Variants in C2orf42 observed in about 807,000 individuals in gnomAD.
C2orf42 encodes chromosome 2 open reading frame 42, also known as uncharacterized protein C2orf42.
In C2orf42, 44 loss-of-function variants were observed where a neutral mutation model predicts 58.9. The observed-to-expected ratio is 0.75, with a 90% CI of 0.59 to 0.96. The LOEUF is 0.96. C2orf42 is among the 40% of genes least tolerant of loss of function. The pLI, the probability that C2orf42 is intolerant of heterozygous loss-of-function variation, is 0.00. For synonymous variants in C2orf42, 239 were observed against 265.4 expected, an observed-to-expected ratio of 0.90 and a Z score of 0.97; for missense variants, 630 against 699.2, an observed-to-expected ratio of 0.90 and a Z score of 1.12.
At chr2:70,189,742 A>T (rs1184450319) in intron 1 of C2orf42, among the ~76,000 whole-genome samples, 1 of 143,014 alleles carries the variant, frequency 7.0e-6, no homozygotes, top group Non-Finnish European at 1.5e-5. Context: ...AAATGGCCTG[A>T]GTAGCTGGAC....
intron 9 of C2orf42, among the ~76,000 whole-genome samples, chr2:70,155,146 A>C (rs1267010303): frequency 2.6e-5 from 4 of 152,110 alleles, no homozygotes. Flanking sequence ...AAGGAGGCTG[A>C]GGCAGAAGAA....
intron 8 of C2orf42, 78 bp from the exon 9 acceptor site, chr2:70,160,865 C>T (rs1443100551): frequency 1.2e-6 from 1 of 843,848 alleles, no homozygotes; most frequent in African/African-American, 1.8e-5. Context: ...GACGACAAAT[C>T]TTTTATTATT....
Position 70,188,762 on chromosome 2 carries a change from C to T in C2orf42, c.-282+2211G>A, listed in dbSNP as rs181938831. Among the ~76,000 whole-genome samples, 402 of 152,252 alleles carry T rather than the reference C, an allele frequency of 2.6e-3. 2 individuals are homozygous for T. In the South Asian group the frequency reaches 0.03, roughly 11 times the overall value. ...CACGTCTCCTTAGTCCCCTCAAGTCCGTGAGTTTGTCTTTCTTTTTCCTAA... is the reference window on the plus strand; with the variant it reads ...CACGTCTCCTTAGTCCCCTCAAGTCTGTGAGTTTGTCTTTCTTTTTCCTAA... On this transcript the variant is annotated intron_variant, in intron 1 of 9. Transcript: ENST00000264434.
chr2:70,182,071 A>G (rs1323678850), intron 2 of C2orf42, 74 bp from the exon 3 acceptor site: 2 of 696,972 alleles, frequency 2.9e-6, no homozygotes, highest in East Asian at 5.4e-5. Context: ...TATGATATTT[A>G]GTACAGAAGG....
intron 8 of C2orf42, 93 bp downstream of exon 8, chr2:70,164,999 G>T: frequency 1.7e-6 from 1 of 571,754 alleles, no homozygotes; most frequent in Non-Finnish European, 3.1e-6. Flanking sequence ...TCTGGTGTCT[G>T]TAACTCAAGG....
chr2:70,153,654 G>A (rs1672453771), intron 9 of C2orf42, among the ~76,000 whole-genome samples: 1 of 132,388 alleles, frequency 7.6e-6, no homozygotes, highest in African/African-American at 3.0e-5. Context: ...TCAGTAATAA[G>A]TAAAGAAAAG....
intron 9 of C2orf42, among the ~76,000 whole-genome samples, chr2:70,155,521 G>A (rs779765902): frequency 4.6e-5 from 7 of 152,124 alleles, no homozygotes; most frequent in Non-Finnish European, 8.8e-5. Context: ...AAATTAGGCC[G>A]GGTGTGGTGG....
At chr2:70,151,122 C>G (rs574571116) in intron 9 of C2orf42, among the ~76,000 whole-genome samples, 2 of 152,230 alleles carry the variant, frequency 1.3e-5, no homozygotes, top group Admixed American at 1.3e-4. Flanking sequence ...GTGGGCAAGG[C>G]GAGAGGATAG....
chr2:70,184,312 C>G (rs1402770625), intron 1 of C2orf42, among the ~76,000 whole-genome samples: 1 of 151,566 alleles, frequency 6.6e-6, no homozygotes, highest in Admixed American at 6.6e-5. Flanking sequence ...CTGCAACCTC[C>G]GCCTCCCGGG....
intron 9 of C2orf42, among the ~76,000 whole-genome samples, chr2:70,159,721 A>C (rs2104856966): frequency 6.6e-6 from 1 of 152,282 alleles, no homozygotes; most frequent in Non-Finnish European, 1.5e-5. Flanking sequence ...TCTTTTAGTA[A>C]AGTGGGGGTC....
chr2:70,160,330 C>T (rs571111337), intron 9 of C2orf42, among the ~76,000 whole-genome samples: 1 of 152,046 alleles, frequency 6.6e-6, no homozygotes, highest in South Asian at 2.1e-4. Flanking sequence ...ATAGTAGAGA[C>T]TGGGTTTCAC....
intron 1 of C2orf42, among the ~76,000 whole-genome samples, chr2:70,183,825 A>T (rs1674745594): frequency 6.7e-6 from 1 of 149,432 alleles, no homozygotes; most frequent in Non-Finnish European, 1.5e-5. Flanking sequence ...TGAGTGCTTT[A>T]TGCATTTTTC....
rs191255665 is a variant in C2orf42, at chr2:70,184,828, T to C, written c.-281-1893A>G. Among the ~76,000 whole-genome samples, 978 of 150,548 alleles carry C rather than the reference T, an allele frequency of 6.5e-3. 7 individuals carry two copies. The highest frequency in any genetic ancestry group is 0.023 in the African/African-American group (930 of 41,188). The stretch of plus-strand genomic sequence containing the variant: ...GTTTTAGGCCGGGCGCAGTGGCTCA[T>C]GCCTGTAATCCCAGCACTTTGGGAG... On this transcript the variant is annotated intron_variant, in intron 1 of 9. Coordinates refer to ENST00000264434, the MANE Select transcript of C2orf42 (RefSeq NM_017880.3).
In C2orf42 at chr2:70,160,687, T is replaced by G. The variant is rs368402264; in HGVS notation, c.1454A>C (p.Tyr485Ser). Residue 485 changes from tyrosine (Y) to serine (S), a missense_variant, in exon 9 of 10, where the codon TAC becomes TCC. Physicochemically the swap from Tyr to Ser is moderately radical, Grantham distance 144. Transcript: ENST00000264434. ...KVEVESIAETYGRIEKQPVLR... is the reference protein window; with the variant it reads ...KVEVESIAETSGRIEKQPVLR... The stretch of plus-strand genomic sequence containing the variant: ...CACTGGTTGTTTTTCTATACGACCG[T>G]AGGTTTCTGCTATGCTTTCTACTTC... 8.1e-6 allele frequency: 13 copies of G among 1,613,438 alleles called. No homozygotes were observed. The highest frequency in any genetic ancestry group is 1.1e-5 in the Non-Finnish European group (13 of 1,179,646).
intron 8 of C2orf42, 59 bp from the exon 9 acceptor site, chr2:70,160,846 T>C (rs1304800650): frequency 2.8e-6 from 3 of 1,080,080 alleles, no homozygotes; most frequent in Non-Finnish European, 2.6e-6. Context: ...AACAGACCAA[T>C]ACCTGGATGA....
At chr2:70,175,548 C>T (rs1484219726) in intron 5 of C2orf42, 125 bp downstream of exon 5, 5 of 719,816 alleles carry the variant, frequency 6.9e-6, no homozygotes, top group Non-Finnish European at 1.3e-5. Flanking sequence ...GGACCTCAGC[C>T]TCAGTGCTTC....
At chr2:70,188,104 T>C (rs1318801650) in intron 1 of C2orf42, among the ~76,000 whole-genome samples, 1 of 152,194 alleles carries the variant, frequency 6.6e-6, no homozygotes, top group Non-Finnish European at 1.5e-5. Context: ...TTGTCAAAAA[T>C]AAGGTCTTAA....
chr2:70,154,745 T>TTTTTGTTTTGTTTTG (rs553263180), intron 9 of C2orf42, among the ~76,000 whole-genome samples: 2 of 151,868 alleles, frequency 1.3e-5, no homozygotes, highest in South Asian at 4.2e-4. Flanking sequence ...GAATCAAAGT[T>TTTTTGTTTTGTTTTG]TTTTGTTTTG....
rs777525110 is a variant in C2orf42, at chr2:70,150,076, G to A, written c.*280C>T. On this transcript the variant is annotated 3_prime_UTR_variant, in exon 10 of 10. Coordinates refer to ENST00000264434, the MANE Select transcript of C2orf42 (RefSeq NM_017880.3). The stretch of plus-strand genomic sequence containing the variant: ...TGAAATAAACGCTAAAGATGAGTCC[G>A]TAAGAAGGAAAATAAGCTGGTTTTC... 1.7e-5 allele frequency: 8 copies of A among 460,338 alleles called. No homozygotes were observed. The highest frequency in any genetic ancestry group is 4.1e-5 in the East Asian group (1 of 24,182). 28.5% of individuals were successfully genotyped at this position (460,338 alleles called of 1,614,324 possible). A position where few individuals can be genotyped will look rare whatever the true frequency, so the allele number is the denominator to read the frequency against.
Sources: gnomAD v4.1 joint callset for allele counts (sites outside exome capture counted in the v4.1 genomes callset) on GRCh38, gnomAD v4.1.1 for gene constraint, MANE v1.5 for transcripts, NCBI Gene and HGNC (gene_info 2026-07-23, HGNC 2026-07-21) for gene names.